The following FRMD3 variants were observed in gnomAD, a reference collection of about 807,000 sequenced individuals.
FRMD3 encodes the protein FERM domain-containing protein 3.
Under a neutral mutation model 70.2 loss-of-function variants are expected in FRMD3, and 33 were observed. The ratio of observed to expected loss-of-function variants is 0.47; its 90% CI spans 0.36 to 0.63. The LOEUF is 0.63. Among genes scored for constraint, FRMD3 ranks in the 20% least tolerant of loss-of-function variants. FRMD3 has a pLI of 0.00. For synonymous variants in FRMD3, 279 were observed against 255.9 expected (o/e 1.09, Z -0.86); for missense variants, 632 against 711.4 (o/e 0.89, Z 1.27).
chr9:83,414,812 T>C lies in FRMD3; in HGVS notation c.148-25104A>G, dbSNP rs550658368. Among the ~76,000 whole-genome samples, 11 of 152,364 alleles carry C rather than the reference T, an allele frequency of 7.2e-5. No individual in the cohort carries two copies. In the South Asian group the frequency reaches 2.1e-3, roughly 29 times the overall value. The stretch of plus-strand genomic sequence containing the variant: ...TCTTCATGCCTCCTGATTTGTTTAA[T>C]GGTTTTTATCTCCTTGTTGTATGTT... On this transcript the variant is annotated intron_variant, in intron 1 of 13. Coordinates refer to ENST00000304195, the MANE Select transcript of FRMD3 (RefSeq NM_174938.6).
chr9:83,526,439 T>C (rs993948554), intron 1 of FRMD3, among the ~76,000 whole-genome samples: 5 of 152,248 alleles, frequency 3.3e-5, no homozygotes, highest in South Asian at 2.1e-4. Flanking sequence ...TCCTGTTTCA[T>C]GCCTAGGGTT....
chr9:83,572,588 G>A, the FRMD3 span, among the ~76,000 whole-genome samples: 1 of 152,220 alleles, frequency 6.6e-6, no homozygotes, highest in African/African-American at 2.4e-5. Context: ...AGAAGGGAGA[G>A]TAAATAGATT....
At chr9:83,466,787 T>C (rs955209738) in intron 1 of FRMD3, among the ~76,000 whole-genome samples, 1 of 152,182 alleles carries the variant, frequency 6.6e-6, no homozygotes, top group African/African-American at 2.4e-5. Flanking sequence ...TTCTACCTTC[T>C]TGCACCTGTG....
chr9:83,558,328 A>G, the FRMD3 span, among the ~76,000 whole-genome samples: 1 of 152,226 alleles, frequency 6.6e-6, no homozygotes, highest in South Asian at 2.1e-4. Flanking sequence ...GTGAATTAAC[A>G]ATCCTTTATT....
chr9:83,469,710 A>G (rs1428094813), intron 1 of FRMD3, among the ~76,000 whole-genome samples: 2 of 152,072 alleles, frequency 1.3e-5, no homozygotes, highest in Non-Finnish European at 2.9e-5. Flanking sequence ...ATTAAACTGG[A>G]GGAGAGGGAA....
At chr9:83,323,422 T>C (rs1160818355) in intron 6 of FRMD3, among the ~76,000 whole-genome samples, 14 of 152,322 alleles carry the variant, frequency 9.2e-5, no homozygotes, top group Middle Eastern at 3.4e-3. Context: ...CAAATATTTG[T>C]CCCCTCCAAA....
the FRMD3 span, among the ~76,000 whole-genome samples, chr9:83,578,628 T>C: frequency 4.6e-5 from 7 of 151,898 alleles, no homozygotes. Flanking sequence ...TCAACACTCT[T>C]TCATGGTAAA....
intron 13 of FRMD3, among the ~76,000 whole-genome samples, chr9:83,269,272 T>C (rs1833432918): frequency 6.6e-6 from 1 of 152,174 alleles, no homozygotes; most frequent in Non-Finnish European, 1.5e-5. Context: ...ACCTGACAGC[T>C]CACTTGAAAC....
At chr9:83,557,825 A>G in the FRMD3 span, among the ~76,000 whole-genome samples, 5 of 152,224 alleles carry the variant, frequency 3.3e-5, no homozygotes, top group Non-Finnish European at 5.9e-5. Flanking sequence ...TGTCAGGAAG[A>G]TGTGAAGGCC....
chr9:83,493,496 A>G (rs3860940), intron 1 of FRMD3, among the ~76,000 whole-genome samples: 77,747 of 151,954 alleles, frequency 0.51, 20,348 homozygotes, highest in Middle Eastern at 0.56. Context: ...CACTGGCTCC[A>G]CTGAAACCTT....
intron 1 of FRMD3, among the ~76,000 whole-genome samples, chr9:83,514,249 T>A (rs1026201045): frequency 1.1e-4 from 17 of 152,178 alleles, no homozygotes; most frequent in African/African-American, 3.9e-4. Flanking sequence ...AGTCTGAAGT[T>A]GACCTGGAAT....
At chr9:83,288,730 G>T (rs1834309837) in intron 13 of FRMD3, among the ~76,000 whole-genome samples, 1 of 152,152 alleles carries the variant, frequency 6.6e-6, no homozygotes, top group Admixed American at 6.5e-5. Flanking sequence ...TAATTACAAT[G>T]GTTTGTCTAT....
At chr9:83,334,183 T>C (rs1564020879) in intron 6 of FRMD3, among the ~76,000 whole-genome samples, 1 of 152,104 alleles carries the variant, frequency 6.6e-6, no homozygotes, top group Non-Finnish European at 1.5e-5. Flanking sequence ...TATTTCTACC[T>C]CTAGTACATT....
At chr9:83,285,899 C>T (rs1202379606) in intron 13 of FRMD3, among the ~76,000 whole-genome samples, 1 of 152,234 alleles carries the variant, frequency 6.6e-6, no homozygotes, top group African/African-American at 2.4e-5. Flanking sequence ...AAGTTTTCCA[C>T]AGCACTAGTT....
chr9:83,283,718 C>A (rs904229708), intron 13 of FRMD3, among the ~76,000 whole-genome samples: 2 of 152,120 alleles, frequency 1.3e-5, no homozygotes, highest in Non-Finnish European at 1.5e-5. Context: ...TTATCAGCAG[C>A]TGGAGACTAT....
At chr9:83,446,304 G>T (rs967959278) in intron 1 of FRMD3, among the ~76,000 whole-genome samples, 18 of 152,102 alleles carry the variant, frequency 1.2e-4, no homozygotes, top group African/African-American at 4.1e-4. Context: ...TCTGCCTTTG[G>T]GTAACCCTAA....
At chr9:83,313,580 T>A in intron 7 of FRMD3, 80 bp downstream of exon 7, 1 of 1,113,452 alleles carries the variant, frequency 9.0e-7, no homozygotes, top group African/African-American at 1.5e-5. Context: ...TTAACAAGGC[T>A]CTGCCAGGCC....
chr9:83,275,126 G>T (rs189233050), intron 13 of FRMD3, among the ~76,000 whole-genome samples: 1 of 152,318 alleles, frequency 6.6e-6, no homozygotes, highest in East Asian at 1.9e-4. Context: ...GTGCCCTCCA[G>T]GTGGAGGTGT....
chr9:83,307,433 GA>G (rs1334957772), intron 10 of FRMD3, among the ~76,000 whole-genome samples: 3 of 152,178 alleles, frequency 2.0e-5, no homozygotes, highest in African/African-American at 7.2e-5. Flanking sequence ...CTGATGAATG[GA>G]TAAACCAAAT....
Sources: allele counts gnomAD v4.1 joint callset (sites outside exome capture counted in the v4.1 genomes callset), GRCh38; gene constraint gnomAD v4.1.1; transcripts MANE v1.5; gene names NCBI Gene and HGNC (gene_info 2026-07-23, HGNC 2026-07-21).